The following ABHD18 variants were observed in gnomAD, a reference collection of about 807,000 sequenced individuals.
ABHD18 encodes cardiolipin-specific deacylase, mitochondrial.
Under a neutral mutation model 65.9 loss-of-function variants are expected in ABHD18, and 55 were observed. The observed-to-expected ratio is 0.84, with a 90% CI of 0.67 to 1.05. The LOEUF (loss-of-function observed/expected upper bound fraction) is 1.05. ABHD18 is among the 50% of genes least tolerant of loss of function. ABHD18 has a pLI of 0.00. For missense variants in ABHD18, 533 were observed against 558.5 expected, an observed-to-expected ratio of 0.95 and a Z score of 0.46; for synonymous variants, 181 against 180.2, an observed-to-expected ratio of 1.00 and a Z score of -0.04.
chr4:127,991,721 C>T (rs889680833), intron 4 of ABHD18, among the ~76,000 whole-genome samples: 3 of 152,062 alleles, frequency 2.0e-5, no homozygotes, highest in African/African-American at 7.2e-5. Context: ...ATTTTGTCTG[C>T]AATAGCAATG....
intron 4 of ABHD18, among the ~76,000 whole-genome samples, chr4:127,995,700 T>C (rs1751625250): frequency 6.6e-6 from 1 of 152,150 alleles, no homozygotes; most frequent in South Asian, 2.1e-4. Context: ...CTAAGTAAAT[T>C]CAATATTATA....
At chr4:128,021,102 A>T in intron 9 of ABHD18, 35 bp from the exon 10 acceptor site, 1 of 1,304,878 alleles carries the variant, frequency 7.7e-7, no homozygotes, top group Non-Finnish European at 1.1e-6. Flanking sequence ...TTGCCTTATG[A>T]TGTGGTTTGA....
chr4:128,017,461 A>G lies in ABHD18; in HGVS notation c.569A>G (p.Tyr190Cys), dbSNP rs1476563489. 1 of 1,613,462 alleles carries G rather than the reference A, an allele frequency of 6.2e-7. No homozygotes were observed. Among genetic ancestry groups the G allele is most frequent in the East Asian group, 2.2e-5 (1 of 44,886 alleles). Residue 190 changes from tyrosine to cysteine, a missense_variant, in exon 8 of 13, where the codon TAC becomes TGC. Around this residue, in one of 3 missense-constraint regions of ABHD18, gnomAD observed 309 missense variants for 313.5 expected, o/e 0.99. Coordinates refer to ENST00000645843, the MANE Select transcript of ABHD18 (RefSeq NM_001358451.3). ...ALLHWLEREG[Y>C]GPLGMTGISM... Reference sequence around the variant, plus strand: ...TTGCACTGGCTAGAGAGGGAAGGTTACGGCCCTTTAGGAATGACTGGAATA... The same window carrying G: ...TTGCACTGGCTAGAGAGGGAAGGTTGCGGCCCTTTAGGAATGACTGGAATA...
In ABHD18 at chr4:127,967,180, G is replaced by A. The variant is rs150980180; in HGVS notation, c.-18+1574G>A. On this transcript the variant is annotated intron_variant, in intron 1 of 12. Coordinates refer to ENST00000645843, the MANE Select transcript of ABHD18 (RefSeq NM_001358451.3). ...AACCAGTATAGCAGTAAGCAGAATG[G>A]CTCCTAGATAAATATATGTTGGATG... Among the ~76,000 whole-genome samples the A allele has an allele frequency of 4.6e-3, 704 of 151,684 alleles. 7 individuals carry two copies. The highest frequency in any genetic ancestry group is 0.016 in the African/African-American group (673 of 41,290).
intron 1 of ABHD18, among the ~76,000 whole-genome samples, chr4:127,968,491 C>T (rs1746126291): frequency 6.6e-6 from 1 of 151,866 alleles, no homozygotes; most frequent in African/African-American, 2.4e-5. Flanking sequence ...ATATGTATCA[C>T]CAATGTAAGG....
At chr4:128,003,972 ACC>A (rs148147558) in intron 4 of ABHD18, among the ~76,000 whole-genome samples, 4 of 142,912 alleles carry the variant, frequency 2.8e-5, no homozygotes, top group African/African-American at 1.2e-4. Context: ...ACAAAAAAAA[ACC>A]AAACAAACAA....
chr4:128,010,197 A>G (rs1303055955), intron 6 of ABHD18, among the ~76,000 whole-genome samples: 1 of 152,246 alleles, frequency 6.6e-6, no homozygotes, highest in Non-Finnish European at 1.5e-5. Context: ...TTATTATTAA[A>G]AAGTTTACAA....
chr4:128,002,148 A>T (rs1053602146), intron 4 of ABHD18, among the ~76,000 whole-genome samples: 8 of 151,828 alleles, frequency 5.3e-5, no homozygotes, highest in Non-Finnish European at 1.0e-4. Context: ...GGTGGCAGGC[A>T]CCTGTAATCT....
intron 1 of ABHD18, among the ~76,000 whole-genome samples, chr4:127,979,769 A>G (rs1748656389): frequency 6.6e-6 from 1 of 152,020 alleles, no homozygotes; most frequent in South Asian, 2.1e-4. Context: ...TACAAAAATT[A>G]GCTGGGCGTG....
chr4:128,031,149 A>G, intron 12 of ABHD18: 1 of 985,562 alleles, frequency 1.0e-6, no homozygotes, highest in Non-Finnish European at 1.2e-6. Context: ...TATTTTAGTT[A>G]GAACTTATAA....
At chr4:128,009,077 T>G (rs763633753) in intron 5 of ABHD18, 30 bp from the exon 6 acceptor site, 17 of 1,587,602 alleles carry the variant, frequency 1.1e-5, no homozygotes, top group Non-Finnish European at 1.4e-5. Flanking sequence ...TACTATATTC[T>G]TTTGAGTATG....
chr4:127,978,605 T>C (rs1264053379), intron 1 of ABHD18, among the ~76,000 whole-genome samples: 2 of 152,200 alleles, frequency 1.3e-5, no homozygotes, highest in Non-Finnish European at 2.9e-5. Flanking sequence ...CAAAGAGCTG[T>C]TTAAGTGCCT....
At chr4:127,983,203 T>C (rs1440878654) in intron 2 of ABHD18, among the ~76,000 whole-genome samples, 156 bp downstream of exon 2, 2 of 152,242 alleles carry the variant, frequency 1.3e-5, no homozygotes, top group African/African-American at 2.4e-5. Flanking sequence ...CTTTTGTCTT[T>C]TTAGTTATTT....
rs141535018 is a variant in ABHD18, at chr4:128,026,303, A to C, written c.802-2172A>C. On this transcript the variant is annotated intron_variant, in intron 10 of 12. Coordinates refer to ENST00000645843, the MANE Select transcript of ABHD18 (RefSeq NM_001358451.3). ...GACTTCTTCTGAACAACAACAAAAA[A>C]AAAAAATTAGCCAGGCATGGTGGCA... is the stretch of plus-strand genomic sequence containing the variant. 6.4e-3 allele frequency among the ~76,000 whole-genome samples: 968 copies of C among 151,322 alleles called. 9 individuals are homozygous for C. The highest frequency in any genetic ancestry group is 0.02 in the African/African-American group (810 of 41,228).
intron 1 of ABHD18, among the ~76,000 whole-genome samples, chr4:127,976,026 A>T (rs1208788426): frequency 6.6e-6 from 1 of 152,076 alleles, no homozygotes; most frequent in East Asian, 1.9e-4. Flanking sequence ...GGGTTTTGCC[A>T]TGTTAGCCAG....
At position 128,007,426 on chromosome 4, in the gene ABHD18, A is replaced by G. The variant is rs111237962; in HGVS notation, c.279-1494A>G. ...AAAGAAAAAACATAAAACATTAAAT[A>G]AGGACCAAAATACTACAATAAGAAA... On this transcript the variant is annotated intron_variant, in intron 4 of 12. Coordinates refer to ENST00000645843, the MANE Select transcript of ABHD18 (RefSeq NM_001358451.3). Among the ~76,000 whole-genome samples, 933 of 151,998 alleles carry G rather than the reference A, an allele frequency of 6.1e-3. 19 individuals carry two copies. The highest frequency in any genetic ancestry group is 0.021 in the African/African-American group (878 of 41,464).
At chr4:127,988,918 C>A (rs1032201060) in intron 3 of ABHD18, among the ~76,000 whole-genome samples, 1 of 152,140 alleles carries the variant, frequency 6.6e-6, no homozygotes, top group Non-Finnish European at 1.5e-5. Flanking sequence ...GCAATCCCCC[C>A]ACTGGGTATA....
chr4:128,039,170 T>TGC lies in ABHD18; in HGVS notation c.*3357_*3358insGC, dbSNP rs1344096842. ...ATATATATATATATATATATATATATATATATATATATATAATCTCAAAGA... is the reference window on the plus strand; with the variant it reads ...ATATATATATATATATATATATATATGCATATATATATATATAATCTCAAAGA... On this transcript the variant is annotated 3_prime_UTR_variant, in exon 13 of 13. Transcript: ENST00000645843. The TGC allele has an allele frequency of 7.2e-6, 1 of 138,516 alleles. No individual in the cohort carries two copies. The highest frequency in any genetic ancestry group is 1.5e-5 in the Non-Finnish European group (1 of 65,728). 8.6% of individuals were successfully genotyped at this position (138,516 alleles called of 1,614,324 possible).
chr4:128,030,599 T>C lies in ABHD18; in HGVS notation c.1270T>C (p.Trp424Arg), dbSNP rs1758066952. The C allele has an allele frequency of 1.9e-6, 3 of 1,607,838 alleles. No homozygotes were observed. ...AGGAGTTCGAAGTTTACAAGAAATT[T>C]GGCCTGGTTGTGAAATCCGATACTT... The part of the protein sequence containing the change: ...RTGVRSLQEI[W>R]PGCEIRYLEG... Residue 424 changes from tryptophan to arginine, a missense_variant, in exon 12 of 13, where the codon TGG becomes CGG. By Grantham distance (101) the Trp-to-Arg change is moderately radical. Coordinates refer to ENST00000645843, the MANE Select transcript of ABHD18 (RefSeq NM_001358451.3).
Sources: gnomAD v4.1 joint callset for allele counts (sites outside exome capture counted in the v4.1 genomes callset) on GRCh38, gnomAD v4.1.1 for gene constraint, gnomAD v4.1.1 regional missense constraint, MANE v1.5 for transcripts, NCBI Gene and HGNC (gene_info 2026-07-23, HGNC 2026-07-21) for gene names.